Variants in AFF3 observed in about 807,000 individuals in gnomAD.
The protein encoded by AFF3 is AF4/FMR2 family member 3.
A neutral mutation model predicts 129.7 loss-of-function variants in AFF3; 32 were observed. The ratio of observed to expected loss-of-function variants is 0.25; its 90% confidence interval spans 0.19 to 0.33. AFF3 has a LOEUF of 0.33. Ranked by LOEUF, AFF3 falls within the 10% of genes least tolerant of loss-of-function variation. The pLI is 1.00. For missense variants in AFF3, 1,373 were observed against 1,592.0 expected (o/e 0.86, Z 2.34); for synonymous variants, 644 against 635.4 (o/e 1.01, Z -0.20).
intron 12 of AFF3, among the ~76,000 whole-genome samples, chr2:99,651,088 G>A (rs564493644): frequency 1.3e-5 from 2 of 150,178 alleles, no homozygotes; most frequent in South Asian, 4.3e-4. Flanking sequence ...CAGGAGAATT[G>A]CTTGAACTTG....
At chr2:99,689,548 T>G (rs1394776593) in intron 11 of AFF3, among the ~76,000 whole-genome samples, 1 of 151,746 alleles carries the variant, frequency 6.6e-6, no homozygotes, top group Non-Finnish European at 1.5e-5. Flanking sequence ...TTAGTCTTCA[T>G]GTCTGTCTCA....
At chr2:100,052,901 G>T (rs954407493) in intron 4 of AFF3, among the ~76,000 whole-genome samples, 1 of 152,098 alleles carries the variant, frequency 6.6e-6, no homozygotes, top group Non-Finnish European at 1.5e-5. Context: ...TCTTATCAGT[G>T]ATTTTGTTTA....
intron 4 of AFF3, among the ~76,000 whole-genome samples, chr2:100,071,511 T>A (rs1688179971): frequency 6.6e-6 from 1 of 152,158 alleles, no homozygotes; most frequent in Non-Finnish European, 1.5e-5. Context: ...GCATCCACTT[T>A]ACCCACGAAA....
chr2:99,853,669 G>A (rs890351136), intron 7 of AFF3, among the ~76,000 whole-genome samples: 2 of 152,150 alleles, frequency 1.3e-5, no homozygotes, highest in Non-Finnish European at 2.9e-5. Flanking sequence ...TTTCCTCAAG[G>A]TCATACAGGT....
chr2:100,036,668 T>C (rs1301458991), intron 4 of AFF3, among the ~76,000 whole-genome samples: 3 of 151,760 alleles, frequency 2.0e-5, no homozygotes, highest in Non-Finnish European at 4.4e-5. Context: ...AGGAAAAAGA[T>C]ATGTGACATA....
intron 14 of AFF3, among the ~76,000 whole-genome samples, chr2:99,600,320 A>C (rs1424042923): frequency 6.6e-6 from 1 of 152,142 alleles, no homozygotes; most frequent in East Asian, 1.9e-4. Flanking sequence ...CCCTGATTTC[A>C]CAGTGCTCCT....
chr2:100,020,434 C>G (rs1477948323), intron 4 of AFF3, among the ~76,000 whole-genome samples: 1 of 151,934 alleles, frequency 6.6e-6, no homozygotes, highest in African/African-American at 2.4e-5. Flanking sequence ...TACAACTCTC[C>G]AAGACTCACT....
chr2:99,775,905 T>C (rs1203202819), intron 8 of AFF3, among the ~76,000 whole-genome samples: 1 of 152,180 alleles, frequency 6.6e-6, no homozygotes, highest in Non-Finnish European at 1.5e-5. Flanking sequence ...ATCTAGCAAC[T>C]AGCACACAGA....
chr2:99,552,756 A>C (rs891832722), intron 24 of AFF3, among the ~76,000 whole-genome samples: 4 of 152,140 alleles, frequency 2.6e-5, no homozygotes, highest in Non-Finnish European at 5.9e-5. Context: ...GACACTTGGC[A>C]CTGAGCCCTC....
At chr2:100,120,528 T>A (rs527732684) in intron 2 of AFF3, among the ~76,000 whole-genome samples, 1 of 143,334 alleles carries the variant, frequency 7.0e-6, no homozygotes, top group East Asian at 2.0e-4. Context: ...AAGGCTGAGA[T>A]CCACATTTAC....
rs1193155974 is a variant in AFF3 at position 99,548,305 on chromosome 2, T to G, written c.*3169A>C. On this transcript the variant is annotated 3_prime_UTR_variant, in exon 25 of 25. Coordinates refer to ENST00000672756, the MANE Select transcript of AFF3 (RefSeq NM_001386135.1). ...TTGAGAGTCTCTGGAAGGATATACA[T>G]CAAACTGTGAGCAGTGGTTGTCTCA... is the stretch of plus-strand genomic sequence containing the variant. The G allele has an allele frequency of 5.0e-6, 1 of 201,184 alleles. No individual in the cohort carries two copies. Among genetic ancestry groups the G allele is most frequent in the Non-Finnish European group, 1.0e-5 (1 of 97,660 alleles). 12.5% of individuals were successfully genotyped at this position (201,184 alleles called of 1,614,324 possible).
intron 7 of AFF3, among the ~76,000 whole-genome samples, chr2:99,848,672 A>C (rs1689913044): frequency 6.6e-6 from 1 of 152,206 alleles, no homozygotes; most frequent in Non-Finnish European, 1.5e-5. Context: ...TGTGATAAAC[A>C]CCCATAAGAG....
intron 7 of AFF3, among the ~76,000 whole-genome samples, chr2:99,959,800 C>A (rs1677051492): frequency 6.6e-6 from 1 of 151,566 alleles, no homozygotes; most frequent in Non-Finnish European, 1.5e-5. Flanking sequence ...ACAGCCCGCT[C>A]TTGCTAAATC....
intron 12 of AFF3, among the ~76,000 whole-genome samples, chr2:99,672,186 A>T (rs1443006769): frequency 4.3e-5 from 1 of 23,258 alleles, no homozygotes; most frequent in African/African-American, 9.3e-4. Flanking sequence ...TCTCACACAC[A>T]CACACACACA....
In AFF3 at chr2:99,606,839, G is replaced by A. The variant is rs181662404; in HGVS notation, c.1185-5218C>T. On this transcript the variant is annotated intron_variant, in intron 13 of 24. Transcript: ENST00000672756. ...TGAGGCAGGAGAATGGTGTGAACCC[G>A]GGAGGCGGAGCTTGCAGTGAGCTGA... Among the ~76,000 whole-genome samples the A allele has an allele frequency of 2.1e-3, 310 of 150,698 alleles. 1 individual carries two copies. The highest frequency in any genetic ancestry group is 7.2e-3 in the African/African-American group (295 of 40,980).
intron 13 of AFF3, among the ~76,000 whole-genome samples, chr2:99,608,822 G>GTTTTAACAATGAAAAGTTTCATTGTA (rs1680630493): frequency 6.6e-6 from 1 of 152,056 alleles, no homozygotes; most frequent in Non-Finnish European, 1.5e-5. Context: ...AATTTGAAAA[G>GTTTTAACAATGAAAAGTTTCATTGTA]TTTTAACAAT....
intron 4 of AFF3, among the ~76,000 whole-genome samples, chr2:100,022,842 C>G (rs994641179): frequency 6.7e-6 from 1 of 148,166 alleles, no homozygotes; most frequent in African/African-American, 2.7e-5. Context: ...ATGAAGACGG[C>G]TCTTCTTCCT....
At chr2:99,569,722 A>C (rs1199020135) in intron 18 of AFF3, among the ~76,000 whole-genome samples, 2 of 152,240 alleles carry the variant, frequency 1.3e-5, no homozygotes, top group African/African-American at 4.8e-5. Flanking sequence ...ATAGATTAAA[A>C]AAATGACATT....
intron 7 of AFF3, among the ~76,000 whole-genome samples, chr2:99,882,038 T>C (rs1312210772): frequency 3.9e-5 from 6 of 152,016 alleles, no homozygotes; most frequent in African/African-American, 1.2e-4. Context: ...TTTGGCATGA[T>C]TGGTCCTCAT....
Sources: allele counts gnomAD v4.1 joint callset (sites outside exome capture counted in the v4.1 genomes callset), GRCh38; gene constraint gnomAD v4.1.1; transcripts MANE v1.5; gene names NCBI Gene and HGNC (gene_info 2026-07-23, HGNC 2026-07-21).